The following SLC4A7 variants were observed in gnomAD, a reference collection of about 807,000 sequenced individuals.
The protein encoded by SLC4A7 is solute carrier family 4 member 7, also known as sodium bicarbonate cotransporter 3.
SLC4A7 carries 51 observed loss-of-function variants against 137.6 expected under a neutral mutation model. The ratio of observed to expected loss-of-function variants is 0.37; its 90% CI spans 0.30 to 0.47. SLC4A7 has a LOEUF of 0.47. Among genes scored for constraint, SLC4A7 ranks in the 20% least tolerant of loss-of-function variants. The pLI, the probability that SLC4A7 is intolerant of heterozygous loss-of-function variation, is 1.00. For synonymous variants in SLC4A7, 542 were observed against 518.6 expected, an observed-to-expected ratio of 1.05 and a Z score of -0.61; for missense variants, 1,247 against 1,525.4, an observed-to-expected ratio of 0.82 and a Z score of 3.04.
At chr3:27,453,146 T>G (rs1302561969) in intron 1 of SLC4A7, among the ~76,000 whole-genome samples, 1 of 152,238 alleles carries the variant, frequency 6.6e-6, no homozygotes, top group East Asian at 1.9e-4. Context: ...ACATATTTAT[T>G]AGAAAATGTT....
chr3:27,466,398 G>A (rs1387927408), intron 1 of SLC4A7, among the ~76,000 whole-genome samples: 1 of 149,986 alleles, frequency 6.7e-6, no homozygotes, highest in East Asian at 2.0e-4. Flanking sequence ...CCTGCAGTGA[G>A]CCGAGATCGC....
chr3:27,400,726 T>C (rs2052661268), intron 16 of SLC4A7, 38 bp downstream of exon 16: 1 of 1,187,942 alleles, frequency 8.4e-7, no homozygotes, highest in African/African-American at 1.5e-5. Context: ...ACCAGATCAA[T>C]ATCTATTACA....
intron 14 of SLC4A7, 30 bp from the exon 15 acceptor site, chr3:27,403,414 A>T: frequency 6.7e-7 from 1 of 1,496,678 alleles, no homozygotes; most frequent in East Asian, 2.3e-5. Flanking sequence ...TGAATATGAT[A>T]AACATATGTG....
At chr3:27,436,282 CCTTATA>C (rs1336592335) in intron 5 of SLC4A7, 100 bp downstream of exon 5, 1 of 746,440 alleles carries the variant, frequency 1.3e-6, no homozygotes, top group Non-Finnish European at 2.1e-6. Flanking sequence ...TATCTTATTT[CCTTATA>C]CTGCACTCCA....
chr3:27,456,944 G>A, intron 1 of SLC4A7: 3 of 984,774 alleles, frequency 3.0e-6, no homozygotes, highest in Non-Finnish European at 2.4e-6. Flanking sequence ...ATACCAAGAG[G>A]AATGCAGCAA....
At chr3:27,432,426 A>T (rs1045318245) in intron 6 of SLC4A7, among the ~76,000 whole-genome samples, 4 of 152,210 alleles carry the variant, frequency 2.6e-5, no homozygotes, top group Non-Finnish European at 5.9e-5. Flanking sequence ...AGAATAAAGT[A>T]CTTCTCACCA....
intron 14 of SLC4A7, among the ~76,000 whole-genome samples, chr3:27,404,137 G>A (rs574288885): frequency 1.1e-4 from 16 of 152,362 alleles, no homozygotes; most frequent in African/African-American, 2.6e-4. Context: ...TGGGGAGGCC[G>A]AGGCAGGTGG....
chr3:27,452,803 G>A (rs1202696766), intron 1 of SLC4A7, among the ~76,000 whole-genome samples: 1 of 152,172 alleles, frequency 6.6e-6, no homozygotes, highest in African/African-American at 2.4e-5. Context: ...TCTAGGGTCA[G>A]AGATTAAAGA....
intron 23 of SLC4A7, among the ~76,000 whole-genome samples, chr3:27,383,600 AATGTC>A (rs1231585585): frequency 2.6e-5 from 4 of 152,182 alleles, no homozygotes; most frequent in African/African-American, 9.7e-5. Context: ...ATATGGGCAG[AATGTC>A]ATTTGGATAA....
intron 16 of SLC4A7, among the ~76,000 whole-genome samples, chr3:27,399,264 C>T (rs1276809726): frequency 6.6e-6 from 1 of 152,114 alleles, no homozygotes; most frequent in Non-Finnish European, 1.5e-5. Flanking sequence ...CTGCATGGCC[C>T]TTTGGGATAA....
rs909562057 is a variant in SLC4A7 at position 27,452,554 on chromosome 3, T to C, written c.61-56A>G. 9 of 1,132,262 alleles carry C rather than the reference T, an allele frequency of 7.9e-6. No individual in the cohort carries two copies. In the African/African-American group the frequency reaches 1.4e-4, roughly 18 times the overall value. 70.1% of individuals were successfully genotyped at this position (1,132,262 alleles called of 1,614,324 possible). ...AGATCACAATCTATTGAGGACCTAT[T>C]ATATGCATCCTTTGAAATGGCAACA... On this transcript the variant is annotated intron_variant, in intron 1 of 25. Transcript: ENST00000454389.
intron 24 of SLC4A7, among the ~76,000 whole-genome samples, chr3:27,381,999 G>A (rs780960897): frequency 1.3e-4 from 20 of 150,580 alleles, no homozygotes; most frequent in Non-Finnish European, 2.4e-4. Flanking sequence ...CCCAGGAGGT[G>A]GAAGTTGCAG....
chr3:27,388,629 C>G (rs1434618346), intron 22 of SLC4A7, among the ~76,000 whole-genome samples: 1 of 152,002 alleles, frequency 6.6e-6, no homozygotes, highest in Non-Finnish European at 1.5e-5. Flanking sequence ...AACCATAGCA[C>G]CTGAGTTAAA....
chr3:27,443,566 A>AT (rs918713205), intron 3 of SLC4A7, among the ~76,000 whole-genome samples: 2 of 150,832 alleles, frequency 1.3e-5, no homozygotes, highest in African/African-American at 2.4e-5. Context: ...AATGTGCCCT[A>AT]TTTTTTTTCC....
intron 1 of SLC4A7, among the ~76,000 whole-genome samples, chr3:27,473,543 C>T (rs1339081405): frequency 1.3e-5 from 2 of 151,218 alleles, no homozygotes; most frequent in Non-Finnish European, 2.9e-5. Context: ...CATGGCAAAA[C>T]CAAAAATACA....
chr3:27,424,912 T>C (rs1419573100), intron 7 of SLC4A7, among the ~76,000 whole-genome samples: 1 of 152,240 alleles, frequency 6.6e-6, no homozygotes, highest in African/African-American at 2.4e-5. Context: ...TTAGAAATGA[T>C]ACTTGTTTGG....
intron 1 of SLC4A7, among the ~76,000 whole-genome samples, chr3:27,460,368 ACATTC>A (rs1242568152): frequency 2.6e-5 from 4 of 152,140 alleles, no homozygotes; most frequent in African/African-American, 9.7e-5. Context: ...CATAACATTT[ACATTC>A]CATTCAATAT....
intron 13 of SLC4A7, among the ~76,000 whole-genome samples, chr3:27,407,716 G>T (rs1291913118): frequency 6.6e-6 from 1 of 151,940 alleles, no homozygotes; most frequent in Non-Finnish European, 1.5e-5. Context: ...TCCTCTTCTA[G>T]GTCTGTGTGT....
chr3:27,421,224 G>T (rs1347548889), intron 9 of SLC4A7, among the ~76,000 whole-genome samples: 3 of 151,878 alleles, frequency 2.0e-5, no homozygotes, highest in Non-Finnish European at 4.4e-5. Flanking sequence ...TTTTGGCTGG[G>T]CACAGTGGCT....
Sources: gnomAD v4.1 joint callset for allele counts (sites outside exome capture counted in the v4.1 genomes callset) on GRCh38, gnomAD v4.1.1 for gene constraint, MANE v1.5 for transcripts, NCBI Gene and HGNC (gene_info 2026-07-23, HGNC 2026-07-21) for gene names.